RSF1: variants seen among roughly 807,000 people sequenced by gnomAD.
The protein encoded by RSF1 is remodeling and spacing factor 1.
RSF1 carries 13 observed loss-of-function variants against 145.2 expected under a neutral mutation model. That is an observed-to-expected ratio of 0.09 (90% CI 0.06 to 0.14). RSF1 has a LOEUF of 0.14. RSF1 is among the 10% of genes least tolerant of loss of function. RSF1 has a pLI of 1.00. For missense variants in RSF1, 1,517 were observed against 1,718.2 expected (o/e 0.88, Z 2.07); for synonymous variants, 577 against 592.6 (o/e 0.97, Z 0.38).
At chr11:77,821,581 G>A (rs1317567519), upstream of RSF1, among the ~76,000 whole-genome samples, 1 of 152,116 alleles carries the variant, frequency 6.6e-6, no homozygotes, top group Non-Finnish European at 1.5e-5. Context: ...ACCAGGCTCT[G>A]CTAGGGGGCC....
At position 77,798,362 on chromosome 11, in the gene RSF1, A is replaced by C. The variant is rs11494311; in HGVS notation, c.187+22166T>G. 5.6e-3 allele frequency among the ~76,000 whole-genome samples: 846 copies of C among 152,058 alleles called. 3 individuals carry two copies. The highest frequency in any genetic ancestry group is 9.4e-3 in the Non-Finnish European group (637 of 67,970). ...CACTTTGGGAGGCCAAGGTGGGTGG[A>C]TCAACTGACGTCAGGAGCTCGAGAT... On this transcript the variant is annotated intron_variant, in intron 1 of 15. Transcript: ENST00000308488.
the RSF1 span, chr11:77,855,604 C>T: frequency 7.8e-3 from 1,172 of 150,974 alleles, 12 homozygotes; most frequent in African/African-American, 0.026. Flanking sequence ...GCTGGGATTA[C>T]AGGTGTGAGC....
At chr11:77,668,170 CT>C (rs1959421021) in intron 15 of RSF1, among the ~76,000 whole-genome samples, 1 of 151,026 alleles carries the variant, frequency 6.6e-6, no homozygotes, top group East Asian at 2.0e-4. Flanking sequence ...CAGCTAATTT[CT>C]TTGCATTTTT....
chr11:77,839,899 G>C, the RSF1 span, among the ~76,000 whole-genome samples: 1 of 152,084 alleles, frequency 6.6e-6, no homozygotes, highest in African/African-American at 2.4e-5. Context: ...GGGTTGATAG[G>C]TGCAGCAAAC....
the RSF1 span, among the ~76,000 whole-genome samples, chr11:77,840,023 A>G: frequency 6.6e-6 from 1 of 152,136 alleles, no homozygotes; most frequent in Non-Finnish European, 1.5e-5. Flanking sequence ...GGAAAGCAAA[A>G]AAGCAAAATA....
At chr11:77,793,760 C>T (rs542436977) in intron 1 of RSF1, among the ~76,000 whole-genome samples, 1 of 152,258 alleles carries the variant, frequency 6.6e-6, no homozygotes, top group East Asian at 1.9e-4. Flanking sequence ...ATGTGCGTCC[C>T]TCCAGAAGCT....
intron 2 of RSF1, chr11:77,762,278 A>T (rs10899405): frequency 0.25 from 38,688 of 151,870 alleles, 5,632 homozygotes; most frequent in South Asian, 0.49. Flanking sequence ...CAAATGCAAG[A>T]TACAGCACAA....
At chr11:77,869,312 C>CT in the RSF1 span, 17,197 of 126,818 alleles carry the variant, frequency 0.14, 1,400 homozygotes, top group African/African-American at 0.16. Flanking sequence ...ATCTCTTTTT[C>CT]TTTTTTTTTT....
intron 1 of RSF1, among the ~76,000 whole-genome samples, chr11:77,798,287 G>A (rs2135974265): frequency 6.6e-6 from 1 of 152,194 alleles, no homozygotes; most frequent in South Asian, 2.1e-4. Context: ...GCTGGATAAA[G>A]AAAATGTGGC....
intron 14 of RSF1, among the ~76,000 whole-genome samples, chr11:77,673,207 C>T (rs1287582803): frequency 6.6e-6 from 1 of 152,158 alleles, no homozygotes; most frequent in Admixed American, 6.5e-5. Context: ...ATACAGAACT[C>T]AAGATATATT....
the RSF1 span, among the ~76,000 whole-genome samples, chr11:77,846,388 G>A: frequency 6.6e-5 from 10 of 152,214 alleles, no homozygotes; most frequent in Non-Finnish European, 1.3e-4. Context: ...GGAGACCAAG[G>A]CAGGCAGCTC....
intron 1 of RSF1, among the ~76,000 whole-genome samples, chr11:77,801,763 T>C (rs561839952): frequency 6.6e-6 from 1 of 152,162 alleles, no homozygotes; most frequent in Non-Finnish European, 1.5e-5. Flanking sequence ...ATTACATGCC[T>C]AGAGCCTGGA....
In RSF1 at chr11:77,814,689, G is replaced by A. The variant is rs185532404; in HGVS notation, c.187+5839C>T. Among the ~76,000 whole-genome samples, 252 of 152,122 alleles carry A rather than the reference G, an allele frequency of 1.7e-3. 1 individual carries two copies. The highest frequency in any genetic ancestry group is 5.8e-3 in the African/African-American group (241 of 41,500). On this transcript the variant is annotated intron_variant, in intron 1 of 15. Transcript: ENST00000308488. Reference sequence around the variant, plus strand: ...TCAAACTCCTGACCTCAGGTGATCCGCCGCCTGGGCCTCCCTAAGTGCTGG... The same window carrying A: ...TCAAACTCCTGACCTCAGGTGATCCACCGCCTGGGCCTCCCTAAGTGCTGG...
chr11:77,692,142 T>C lies in RSF1; in HGVS notation c.2821-904A>G, dbSNP rs1386890352. Among the ~76,000 whole-genome samples, 3 of 151,734 alleles carry C rather than the reference T, an allele frequency of 2.0e-5. No individual in the cohort carries two copies. In the East Asian group the frequency reaches 5.8e-4, roughly 29 times the overall value. ...CTGGCCTCAAGTGATCTGCCTGCCT[T>C]GGCCTCCCAAAGTGCTGGGATTATA... On this transcript the variant is annotated intron_variant, in intron 8 of 15. Transcript: ENST00000308488.
At chr11:77,812,358 T>C (rs576275179) in intron 1 of RSF1, among the ~76,000 whole-genome samples, 9 of 152,176 alleles carry the variant, frequency 5.9e-5, no homozygotes, top group Non-Finnish European at 1.0e-4. Flanking sequence ...AATCCTACTA[T>C]TCAGAAAATG....
At chr11:77,724,482 T>C (rs767275094) in intron 5 of RSF1, among the ~76,000 whole-genome samples, 17 of 152,188 alleles carry the variant, frequency 1.1e-4, no homozygotes, top group Non-Finnish European at 2.5e-4. Flanking sequence ...TGCCCACTGA[T>C]GGATGAATTG....
intron 4 of RSF1, chr11:77,739,609 A>G (rs1961457522): frequency 6.6e-6 from 1 of 152,248 alleles, no homozygotes; most frequent in Non-Finnish European, 1.5e-5. Context: ...GCATTAATAA[A>G]TAATCACTAA....
intron 5 of RSF1, among the ~76,000 whole-genome samples, chr11:77,716,322 C>T (rs1590847238): frequency 1.3e-5 from 2 of 152,186 alleles, no homozygotes; most frequent in African/African-American, 4.8e-5. Flanking sequence ...TCTGCACTCC[C>T]ATGTTCCCTC....
At chr11:77,729,994 T>C (rs2074570509) in intron 4 of RSF1, among the ~76,000 whole-genome samples, 1 of 150,648 alleles carries the variant, frequency 6.6e-6, no homozygotes, top group African/African-American at 2.4e-5. Flanking sequence ...ATCTAAGATG[T>C]TAACATTAGT....
Sources: gnomAD v4.1 joint callset for allele counts (sites outside exome capture counted in the v4.1 genomes callset) on GRCh38, gnomAD v4.1.1 for gene constraint, MANE v1.5 for transcripts, NCBI Gene and HGNC (gene_info 2026-07-23, HGNC 2026-07-21) for gene names.